The following CADPS2 variants were observed in gnomAD, a reference collection of about 807,000 sequenced individuals.
CADPS2 encodes calcium dependent secretion activator 2, also known as calcium-dependent secretion activator 2.
Under a neutral mutation model 172.5 loss-of-function variants are expected in CADPS2, and 93 were observed. The observed-to-expected ratio is 0.54, with a 90% CI of 0.46 to 0.64. The LOEUF (loss-of-function observed/expected upper bound fraction) is 0.64. Among genes scored for constraint, CADPS2 ranks in the 30% least tolerant of loss-of-function variants. CADPS2 has a pLI of 0.00. For synonymous variants in CADPS2, 546 were observed against 555.2 expected (o/e 0.98, Z 0.23); for missense variants, 1,420 against 1,565.9 (o/e 0.91, Z 1.57).
intron 1 of CADPS2, among the ~76,000 whole-genome samples, chr7:122,778,836 G>A (rs543489311): frequency 1.3e-5 from 2 of 152,200 alleles, no homozygotes; most frequent in African/African-American, 2.4e-5. Context: ...AAAATGTGAC[G>A]ACATGAAACT....
chr7:122,613,280 G>C (rs1199999896), intron 6 of CADPS2, among the ~76,000 whole-genome samples: 6 of 152,112 alleles, frequency 3.9e-5, no homozygotes, highest in Non-Finnish European at 8.8e-5. Context: ...CATATATGAT[G>C]TGGGCCTAGT....
chr7:122,825,539 T>G (rs1804641710), intron 1 of CADPS2, among the ~76,000 whole-genome samples: 1 of 152,198 alleles, frequency 6.6e-6, no homozygotes, highest in Non-Finnish European at 1.5e-5. Context: ...CAAAAGTGGT[T>G]AATATGATTA....
chr7:122,471,227 C>A, intron 14 of CADPS2, 148 bp downstream of exon 14: 1 of 671,686 alleles, frequency 1.5e-6, no homozygotes, highest in Non-Finnish European at 2.3e-6. Flanking sequence ...TTGATGCACA[C>A]TTTTTTCTCT....
At chr7:122,796,617 G>T (rs1214294599) in intron 1 of CADPS2, among the ~76,000 whole-genome samples, 1 of 152,044 alleles carries the variant, frequency 6.6e-6, no homozygotes, top group Non-Finnish European at 1.5e-5. Flanking sequence ...AGGAGGAAAG[G>T]ATTCCCTATT....
At chr7:122,380,649 T>C (rs544747563) in intron 24 of CADPS2, among the ~76,000 whole-genome samples, 1 of 152,200 alleles carries the variant, frequency 6.6e-6, no homozygotes, top group East Asian at 1.9e-4. Flanking sequence ...TTTTGGAGTG[T>C]CTGAATTATT....
intron 1 of CADPS2, among the ~76,000 whole-genome samples, chr7:122,819,526 T>C (rs1229465041): frequency 6.6e-6 from 1 of 152,122 alleles, no homozygotes; most frequent in Non-Finnish European, 1.5e-5. Flanking sequence ...CATTACCTTC[T>C]TTTCAAGGGC....
At chr7:122,678,593 T>C (rs1284690389) in intron 2 of CADPS2, among the ~76,000 whole-genome samples, 1 of 152,164 alleles carries the variant, frequency 6.6e-6, no homozygotes, top group East Asian at 1.9e-4. Flanking sequence ...ACTTAGCCTC[T>C]GAGTAGGGGC....
chr7:122,366,371 G>C (rs542880677), intron 25 of CADPS2, among the ~76,000 whole-genome samples: 1 of 150,634 alleles, frequency 6.6e-6, no homozygotes, highest in Admixed American at 6.6e-5. Flanking sequence ...TTGGGAGGCC[G>C]AGGTGGGTGA....
At chr7:122,702,637 C>T (rs757712761) in intron 2 of CADPS2, 3 of 1,613,532 alleles carry the variant, frequency 1.9e-6, no homozygotes, top group Non-Finnish European at 2.5e-6. Flanking sequence ...GGTGAGCTGT[C>T]CAAATGGCTT....
intron 28 of CADPS2, among the ~76,000 whole-genome samples, chr7:122,332,701 ATCC>A (rs147754814): frequency 0.015 from 2,328 of 152,296 alleles, 29 homozygotes; most frequent in Non-Finnish European, 0.024. Flanking sequence ...GATGAATTAG[ATCC>A]TCTTCAGTTA....
At chr7:122,461,698 G>A (rs1178157785) in intron 14 of CADPS2, among the ~76,000 whole-genome samples, 1 of 152,164 alleles carries the variant, frequency 6.6e-6, no homozygotes, top group Non-Finnish European at 1.5e-5. Context: ...AGGTTCCAGT[G>A]ATTCTCCTGC....
At chr7:122,565,167 C>G (rs547642838) in intron 7 of CADPS2, among the ~76,000 whole-genome samples, 1 of 151,832 alleles carries the variant, frequency 6.6e-6, no homozygotes, top group East Asian at 1.9e-4. Flanking sequence ...AAAGCCCAGA[C>G]TTCACCGCTA....
intron 2 of CADPS2, among the ~76,000 whole-genome samples, chr7:122,669,272 A>C (rs1461707736): frequency 3.9e-5 from 6 of 152,006 alleles, no homozygotes; most frequent in Non-Finnish European, 5.9e-5. Flanking sequence ...TGGAGGTTGT[A>C]GTGAGCCATG....
intron 1 of CADPS2, among the ~76,000 whole-genome samples, chr7:122,833,812 C>T (rs1267880151): frequency 3.3e-5 from 5 of 152,070 alleles, no homozygotes; most frequent in African/African-American, 9.7e-5. Flanking sequence ...TACCCAAAGA[C>T]GGCACCCTTA....
chr7:122,517,349 G>A (rs1216933335), intron 8 of CADPS2, among the ~76,000 whole-genome samples: 2 of 152,034 alleles, frequency 1.3e-5, no homozygotes, highest in East Asian at 3.9e-4. Flanking sequence ...CATAAATAAA[G>A]CTATTATGAA....
intron 9 of CADPS2, among the ~76,000 whole-genome samples, chr7:122,502,166 C>G (rs2059260771): frequency 6.6e-6 from 1 of 151,996 alleles, no homozygotes; most frequent in African/African-American, 2.4e-5. Flanking sequence ...CTTTTATTCT[C>G]TTTTCTCAGG....
At chr7:122,675,044 A>C (rs948805244) in intron 2 of CADPS2, among the ~76,000 whole-genome samples, 1 of 152,064 alleles carries the variant, frequency 6.6e-6, no homozygotes, top group African/African-American at 2.4e-5. Context: ...TTTTACGTGG[A>C]AACATTTTAC....
intron 11 of CADPS2, among the ~76,000 whole-genome samples, chr7:122,484,808 A>G (rs1430049390): frequency 6.6e-6 from 1 of 152,110 alleles, no homozygotes; most frequent in Non-Finnish European, 1.5e-5. Flanking sequence ...TGTGCTTTGC[A>G]GATGTGTTTT....
intron 14 of CADPS2, among the ~76,000 whole-genome samples, chr7:122,467,744 A>T (rs2055346697): frequency 6.6e-6 from 1 of 152,140 alleles, no homozygotes; most frequent in Non-Finnish European, 1.5e-5. Flanking sequence ...CTCCACCCTC[A>T]GCCTGACTTA....
Sources: allele counts gnomAD v4.1 joint callset (sites outside exome capture counted in the v4.1 genomes callset), GRCh38; gene constraint gnomAD v4.1.1; transcripts MANE v1.5; gene names NCBI Gene and HGNC (gene_info 2026-07-23, HGNC 2026-07-21).